Variants in GRIK3 observed in about 807,000 individuals in gnomAD.
The protein encoded by GRIK3 is glutamate ionotropic receptor kainate type subunit 3.
Under a neutral mutation model 102.5 loss-of-function variants are expected in GRIK3, and 29 were observed. The observed-to-expected ratio is 0.28, with a 90% CI of 0.21 to 0.39. GRIK3 has a LOEUF of 0.39. Among genes scored for constraint, GRIK3 ranks in the 10% least tolerant of loss-of-function variants. The pLI, the probability that GRIK3 is intolerant of heterozygous loss-of-function variation, is 1.00. For synonymous variants in GRIK3, 511 were observed against 504.9 expected, an observed-to-expected ratio of 1.01 and a Z score of -0.16; for missense variants, 908 against 1,252.4, an observed-to-expected ratio of 0.73 and a Z score of 4.15.
intron 2 of GRIK3, among the ~76,000 whole-genome samples, chr1:36,885,762 G>A (rs1641030941): frequency 6.6e-6 from 1 of 152,110 alleles, no homozygotes; most frequent in African/African-American, 2.4e-5. Context: ...ATGTTTCCAG[G>A]GCAGCAGCCA....
intron 1 of GRIK3, among the ~76,000 whole-genome samples, chr1:37,024,625 G>A (rs907213130): frequency 6.6e-6 from 1 of 150,838 alleles, no homozygotes; most frequent in Admixed American, 6.6e-5. Flanking sequence ...TGCCTGTAGT[G>A]CCAGCTCCTC....
At chr1:36,858,684 A>G (rs1002430480) in intron 7 of GRIK3, among the ~76,000 whole-genome samples, 6 of 152,168 alleles carry the variant, frequency 3.9e-5, no homozygotes, top group African/African-American at 1.4e-4. Flanking sequence ...TGCACTAAGC[A>G]CTTTCCACGC....
At chr1:36,886,446 C>A (rs774764205) in intron 2 of GRIK3, among the ~76,000 whole-genome samples, 1 of 152,154 alleles carries the variant, frequency 6.6e-6, no homozygotes, top group African/African-American at 2.4e-5. Context: ...GTTTAAAAAA[C>A]CAAAGATGAG....
intron 1 of GRIK3, among the ~76,000 whole-genome samples, chr1:36,950,872 T>C (rs189029612): frequency 5.3e-5 from 8 of 152,314 alleles, no homozygotes; most frequent in African/African-American, 1.9e-4. Context: ...CCTGGGATGA[T>C]AGAAGCCTCT....
intron 7 of GRIK3, among the ~76,000 whole-genome samples, chr1:36,854,817 G>A (rs1021792518): frequency 1.2e-4 from 18 of 152,300 alleles, no homozygotes; most frequent in Admixed American, 1.0e-3. Flanking sequence ...AACCTCCACA[G>A]CAGCCATGGG....
intron 1 of GRIK3, among the ~76,000 whole-genome samples, chr1:36,950,346 A>G (rs1641831386): frequency 6.6e-6 from 1 of 152,226 alleles, no homozygotes; most frequent in African/African-American, 2.4e-5. Flanking sequence ...TAAATGCACC[A>G]TCCAGAAAAA....
intron 1 of GRIK3, among the ~76,000 whole-genome samples, chr1:36,946,804 T>C (rs1310485460): frequency 6.6e-6 from 1 of 152,138 alleles, no homozygotes; most frequent in East Asian, 1.9e-4. Flanking sequence ...AACCCTATTC[T>C]GTGAGACACA....
intron 14 of GRIK3, 53 bp from the exon 15 acceptor site, chr1:36,805,290 G>A (rs566474084): frequency 1.1e-4 from 169 of 1,549,712 alleles, no homozygotes; most frequent in Non-Finnish European, 1.4e-4. Context: ...CCCATTCTGT[G>A]TTTGGCTCTG....
intron 5 of GRIK3, among the ~76,000 whole-genome samples, chr1:36,866,670 G>A (rs1640788476): frequency 6.6e-6 from 1 of 152,234 alleles, no homozygotes; most frequent in Non-Finnish European, 1.5e-5. Flanking sequence ...TGTCACCACT[G>A]TATAGATGAG....
At chr1:36,943,245 C>T (rs909431473) in intron 1 of GRIK3, among the ~76,000 whole-genome samples, 1 of 150,692 alleles carries the variant, frequency 6.6e-6, no homozygotes, top group East Asian at 2.0e-4. Context: ...GGGGCTGGGG[C>T]AGCACATAAA....
chr1:36,942,031 C>T (rs1641726599), intron 1 of GRIK3, among the ~76,000 whole-genome samples: 1 of 152,202 alleles, frequency 6.6e-6, no homozygotes, highest in Non-Finnish European at 1.5e-5. Flanking sequence ...TAATAATCTA[C>T]AGGGCCAAGC....
intron 8 of GRIK3, among the ~76,000 whole-genome samples, chr1:36,853,363 T>G (rs1459905706): frequency 6.6e-6 from 1 of 152,306 alleles, no homozygotes; most frequent in East Asian, 1.9e-4. Flanking sequence ...CAATGACCCT[T>G]ACTCACAGAG....
rs1196693405 is a variant in GRIK3 at position 36,798,436 on chromosome 1, C to A, written c.*3415G>T. ...AGCTTTCATGCTTCCCATCACCTCT[C>A]AGTGCCTGCGTGTGTGCACACACAC... On this transcript the variant is annotated 3_prime_UTR_variant, in exon 16 of 16. Transcript: ENST00000373091. 6.6e-6 allele frequency: 1 copy of A among 152,476 alleles called. No homozygotes were observed. Among genetic ancestry groups the A allele is most frequent in the African/African-American group, 2.4e-5 (1 of 41,490 alleles). 9.4% of individuals were successfully genotyped at this position (152,476 alleles called of 1,614,324 possible). A position where few individuals can be genotyped will look rare whatever the true frequency, so the allele number is the denominator to read the frequency against.
At chr1:36,847,687 A>G (rs988847203) in intron 9 of GRIK3, among the ~76,000 whole-genome samples, 1 of 152,244 alleles carries the variant, frequency 6.6e-6, no homozygotes, top group Non-Finnish European at 1.5e-5. Flanking sequence ...TGCAGTTATT[A>G]ACACCTCCCT....
At chr1:36,914,601 C>T (rs1641379372) in intron 1 of GRIK3, among the ~76,000 whole-genome samples, 2 of 152,182 alleles carry the variant, frequency 1.3e-5, no homozygotes, top group Admixed American at 1.3e-4. Context: ...TATTTGAGGT[C>T]CAGGGCTAGA....
chr1:36,820,155 A>G lies in GRIK3; in HGVS notation c.1755-301T>C, dbSNP rs927829697. On this transcript the variant is annotated intron_variant, in intron 11 of 15. Transcript: ENST00000373091. ...CTCTTACGGGAGCATCAAGAGAAGC[A>G]CACAAGGGTGTTTATCAAAGCATTG... Among the ~76,000 whole-genome samples, 14 of 152,234 alleles carry G rather than the reference A, an allele frequency of 9.2e-5. 1 individual carries two copies.
intron 1 of GRIK3, among the ~76,000 whole-genome samples, chr1:36,948,121 C>T (rs1641804380): frequency 6.6e-6 from 1 of 152,174 alleles, no homozygotes; most frequent in Non-Finnish European, 1.5e-5. Context: ...ACTCTGCTCC[C>T]CCATGCAACA....
intron 1 of GRIK3, among the ~76,000 whole-genome samples, chr1:37,010,727 CTTTTTTTTTTT>C (rs60750637): frequency 2.9e-5 from 3 of 102,488 alleles, no homozygotes; most frequent in African/African-American, 8.5e-5. Context: ...ACCTGTACCA[CTTTTTTTTTTT>C]TTTTTTTTTT....
intron 1 of GRIK3, among the ~76,000 whole-genome samples, chr1:36,964,085 T>C (rs764070236): frequency 4.6e-5 from 7 of 152,178 alleles, no homozygotes; most frequent in Non-Finnish European, 8.8e-5. Flanking sequence ...CAGGAGGTGC[T>C]AAGAAGCCGT....
Sources: gnomAD v4.1 joint callset for allele counts (sites outside exome capture counted in the v4.1 genomes callset) on GRCh38, gnomAD v4.1.1 for gene constraint, MANE v1.5 for transcripts, NCBI Gene and HGNC (gene_info 2026-07-23, HGNC 2026-07-21) for gene names.